Variants in CSMD1 observed in about 807,000 individuals in gnomAD.
CSMD1 encodes the protein CUB and sushi domain-containing protein 1.
In CSMD1, 213 loss-of-function variants were observed where a neutral mutation model predicts 417.5. The ratio of observed to expected loss-of-function variants is 0.51; its 90% CI spans 0.46 to 0.57. The LOEUF (loss-of-function observed/expected upper bound fraction) is 0.57, where lower values mean the gene tolerates loss of function less well. Ranked by LOEUF, CSMD1 falls within the 20% of genes least tolerant of loss-of-function variation. The probability of loss-of-function intolerance (pLI) is 0.00; values close to 1 mark genes in which losing one functional copy is unlikely to be tolerated. For missense variants in CSMD1, 6,923 were observed against 4,529.7 expected (o/e 1.53, Z -15.17); for synonymous variants, 2,862 against 1,736.8 (o/e 1.65, Z -16.11).
intron 51 of CSMD1, among the ~76,000 whole-genome samples, chr8:3,021,369 G>C (rs1809371880): frequency 6.6e-6 from 1 of 152,180 alleles, no homozygotes; most frequent in Non-Finnish European, 1.5e-5. Context: ...CATTAATAAA[G>C]ATAGCAGCAA....
chr8:3,272,915 C>G (rs958716974), intron 26 of CSMD1, among the ~76,000 whole-genome samples: 1 of 148,924 alleles, frequency 6.7e-6, no homozygotes, highest in East Asian at 2.0e-4. Flanking sequence ...TAATTGAATA[C>G]CCTTTATTTC....
At chr8:3,688,847 C>T (rs1417690033) in intron 7 of CSMD1, among the ~76,000 whole-genome samples, 1 of 151,720 alleles carries the variant, frequency 6.6e-6, no homozygotes, top group Non-Finnish European at 1.5e-5. Flanking sequence ...TGATAGCAAT[C>T]AATTAAAAAG....
intron 3 of CSMD1, among the ~76,000 whole-genome samples, chr8:4,254,979 A>G (rs762301318): frequency 7.9e-5 from 12 of 152,208 alleles, no homozygotes; most frequent in Admixed American, 2.6e-4. Context: ...ACTTTAACAG[A>G]GCACTAAATC....
At chr8:4,110,639 T>TGAGG (rs796375660) in intron 3 of CSMD1, among the ~76,000 whole-genome samples, 1 of 149,504 alleles carries the variant, frequency 6.7e-6, no homozygotes, top group African/African-American at 2.5e-5. Flanking sequence ...TATATACAGG[T>TGAGG]GTGTGTGTGC....
In CSMD1 at chr8:2,978,692, T is replaced by A; in HGVS notation, c.8486A>T (p.Lys2829Met). Residue 2829 changes from lysine to methionine, a missense_variant, in exon 55 of 70, where the codon AAG becomes ATG. Transcript: ENST00000635120. ...YGMSILYHCK[K>M]GFYLLGSSAL... ...TGAAGATCCCAGCAAGTAAAATCCC[T>A]TCTTGCAATGGTACAGGATACTCAT... 1 of 1,612,244 alleles carries A rather than the reference T, an allele frequency of 6.2e-7. No individual in the cohort carries two copies.
chr8:2,987,351 T>C (rs1806008801), intron 54 of CSMD1, among the ~76,000 whole-genome samples: 1 of 149,948 alleles, frequency 6.7e-6, no homozygotes, highest in Non-Finnish European at 1.5e-5. Flanking sequence ...TATGTGTGTA[T>C]ACATCATATA....
chr8:4,393,960 A>G (rs1290802709), intron 3 of CSMD1, among the ~76,000 whole-genome samples: 1 of 152,214 alleles, frequency 6.6e-6, no homozygotes, highest in Non-Finnish European at 1.5e-5. Context: ...GTATTAACGC[A>G]GAATATGCCA....
At chr8:3,877,381 C>G (rs1805895684) in intron 5 of CSMD1, among the ~76,000 whole-genome samples, 1 of 152,218 alleles carries the variant, frequency 6.6e-6, no homozygotes, top group African/African-American at 2.4e-5. Context: ...CCAGACATGG[C>G]TGCAGACCGA....
intron 3 of CSMD1, among the ~76,000 whole-genome samples, chr8:4,349,069 G>T (rs1034821126): frequency 2.0e-5 from 3 of 152,184 alleles, no homozygotes; most frequent in Non-Finnish European, 4.4e-5. Context: ...TTATTAACAT[G>T]ACTCATGAAA....
At chr8:4,977,860 G>A (rs567276236) in intron 1 of CSMD1, among the ~76,000 whole-genome samples, 3 of 152,206 alleles carry the variant, frequency 2.0e-5, no homozygotes, top group Admixed American at 6.5e-5. Flanking sequence ...TAAGCACAGT[G>A]GAAGAAGACC....
In CSMD1 at chr8:4,031,919, G is replaced by C; in HGVS notation, c.596C>G (p.Ala199Gly). ...PGNGASWDFP[A>G]PFCRAEGACG... ...TAGCACTGTACCTCTGCAAAAGGGA[G>C]CTGGGAAGTCCCACGATGCACCATT... Residue 199 changes from alanine (A) to glycine (G), a missense_variant, in exon 4 of 70, where the codon GCT becomes GGT. Transcript: ENST00000635120. 1.2e-6 allele frequency: 2 copies of C among 1,613,512 alleles called. No individual in the cohort carries two copies. The highest frequency in any genetic ancestry group is 1.1e-5 in the South Asian group (1 of 91,044).
At chr8:3,474,951 C>T (rs1221780630) in intron 11 of CSMD1, among the ~76,000 whole-genome samples, 2 of 152,100 alleles carry the variant, frequency 1.3e-5, no homozygotes, top group South Asian at 2.1e-4. Context: ...CATATTGTAG[C>T]TGCCTGCCTT....
In CSMD1 at chr8:4,481,771, G is replaced by C. The variant is rs34148656; in HGVS notation, c.303-61706C>G. Among the ~76,000 whole-genome samples the C allele has an allele frequency of 1.7e-3, 264 of 152,270 alleles. 1 individual carries two copies. The highest frequency in any genetic ancestry group is 6.2e-3 in the African/African-American group (258 of 41,560). The stretch of plus-strand genomic sequence containing the variant: ...ATATTAGATACTGTGCCTAGTATAT[G>C]CCAGAGACTATTGTGAGCACATAAT... On this transcript the variant is annotated intron_variant, in intron 2 of 69. Coordinates refer to ENST00000635120, the MANE Select transcript of CSMD1 (RefSeq NM_033225.6).
At chr8:4,021,978 G>A (rs553465865) in intron 4 of CSMD1, among the ~76,000 whole-genome samples, 1 of 151,722 alleles carries the variant, frequency 6.6e-6, no homozygotes, top group South Asian at 2.1e-4. Flanking sequence ...TGCTGCCTAG[G>A]AAAGGATAGT....
At chr8:3,277,346 C>T (rs539019266) in intron 26 of CSMD1, among the ~76,000 whole-genome samples, 17 of 152,242 alleles carry the variant, frequency 1.1e-4, no homozygotes, top group South Asian at 4.2e-4. Flanking sequence ...GGTGCCTGTG[C>T]GCAGGTGGGC....
intron 1 of CSMD1, among the ~76,000 whole-genome samples, chr8:4,752,422 G>C (rs1250455323): frequency 6.6e-6 from 1 of 152,152 alleles, no homozygotes; most frequent in East Asian, 1.9e-4. Context: ...GACTGAACTT[G>C]TGACTGATTG....
intron 37 of CSMD1, among the ~76,000 whole-genome samples, chr8:3,163,293 G>A (rs534151040): frequency 1.4e-4 from 22 of 152,066 alleles, no homozygotes; most frequent in Non-Finnish European, 2.9e-4. Flanking sequence ...CCTTGGATTC[G>A]CACTTTAGTT....
chr8:3,765,015 G>A (rs1247634878), intron 5 of CSMD1, among the ~76,000 whole-genome samples: 1 of 151,854 alleles, frequency 6.6e-6, no homozygotes, highest in Non-Finnish European at 1.5e-5. Context: ...AAAGTTCTGG[G>A]ATTACAGGCA....
chr8:4,037,331 C>T (rs1797673916), intron 3 of CSMD1, among the ~76,000 whole-genome samples: 1 of 152,160 alleles, frequency 6.6e-6, no homozygotes, highest in Non-Finnish European at 1.5e-5. Context: ...TTTCCCAGAA[C>T]CTACCAAGCA....
Sources: gnomAD v4.1 joint callset for allele counts (sites outside exome capture counted in the v4.1 genomes callset) on GRCh38, gnomAD v4.1.1 for gene constraint, MANE v1.5 for transcripts, NCBI Gene and HGNC (gene_info 2026-07-23, HGNC 2026-07-21) for gene names.